PCDHA1: variants seen among roughly 807,000 people sequenced by gnomAD.
The protein encoded by PCDHA1 is protocadherin alpha 1.
A neutral mutation model predicts 61.3 loss-of-function variants in PCDHA1; 42 were observed. The observed-to-expected ratio is 0.69, with a 90% CI of 0.54 to 0.89. The LOEUF is 0.89. Among genes scored for constraint, PCDHA1 ranks in the 40% least tolerant of loss-of-function variants. The pLI is 0.00. For synonymous variants in PCDHA1, 610 were observed against 553.8 expected, an observed-to-expected ratio of 1.10 and a Z score of -1.43; for missense variants, 1,256 against 1,235.3, an observed-to-expected ratio of 1.02 and a Z score of -0.25.
At chr5:140,916,464 G>T (rs2077577403) in intron 1 of PCDHA1, among the ~76,000 whole-genome samples, 1 of 152,206 alleles carries the variant, frequency 6.6e-6, no homozygotes, top group Non-Finnish European at 1.5e-5. Context: ...ATCACTGCTG[G>T]TTATTTGGTG....
chr5:140,904,613 T>C (rs1554191625), intron 1 of PCDHA1, among the ~76,000 whole-genome samples: 2 of 152,112 alleles, frequency 1.3e-5, no homozygotes, highest in African/African-American at 2.4e-5. Context: ...ATAGTAGTTT[T>C]ACTTTTAGTT....
intron 1 of PCDHA1, chr5:140,842,219 G>C: frequency 1.9e-6 from 3 of 1,613,252 alleles, no homozygotes; most frequent in Non-Finnish European, 2.5e-6. Context: ...TCGAAATACG[G>C]GAGAAATAGT....
chr5:140,796,656 A>C (rs1238442026), intron 1 of PCDHA1: 1 of 1,613,710 alleles, frequency 6.2e-7, no homozygotes, highest in African/African-American at 1.3e-5. Context: ...ACGCGCCGGC[A>C]CTGTTGGCGC....
At chr5:140,861,503 C>A in intron 1 of PCDHA1, 1 of 478,536 alleles carries the variant, frequency 2.1e-6, no homozygotes, top group Non-Finnish European at 4.3e-6. Context: ...TGATAGACCT[C>A]GAGGAGCTGT....
intron 1 of PCDHA1, chr5:140,834,315 G>A: frequency 7.3e-7 from 1 of 1,374,090 alleles, no homozygotes. Flanking sequence ...TTGAAATGAA[G>A]GGATAAAAAC....
At chr5:140,904,957 A>G (rs2071509370) in intron 1 of PCDHA1, among the ~76,000 whole-genome samples, 1 of 152,156 alleles carries the variant, frequency 6.6e-6, no homozygotes, top group African/African-American at 2.4e-5. Flanking sequence ...TGTCTGATGC[A>G]GAATTTGTGA....
chr5:140,886,102 G>A (rs1040004596), intron 1 of PCDHA1, among the ~76,000 whole-genome samples: 17 of 152,136 alleles, frequency 1.1e-4, no homozygotes, highest in Admixed American at 1.3e-4. Flanking sequence ...CATTGATACA[G>A]TAAAGAAGTA....
chr5:140,944,191 G>C (rs181232402), intron 1 of PCDHA1, among the ~76,000 whole-genome samples: 1 of 151,980 alleles, frequency 6.6e-6, no homozygotes, highest in East Asian at 1.9e-4. Context: ...GGTTTGTTTT[G>C]TTTTGTTTTG....
chr5:140,867,027 C>G (rs1043288554), intron 1 of PCDHA1: 1 of 152,102 alleles, frequency 6.6e-6, no homozygotes, highest in Non-Finnish European at 1.5e-5. Flanking sequence ...ATATCAAACT[C>G]TTTTATGACT....
chr5:140,830,449 G>A (rs138463634), intron 1 of PCDHA1: 9 of 1,596,848 alleles, frequency 5.6e-6, no homozygotes, highest in East Asian at 4.5e-5. Context: ...TGGGTAAGGC[G>A]GAGAATCAGG....
intron 1 of PCDHA1, among the ~76,000 whole-genome samples, chr5:140,978,590 A>G (rs192815977): frequency 2.0e-4 from 31 of 152,334 alleles, no homozygotes; most frequent in African/African-American, 7.5e-4. Context: ...TGTTCCCTTA[A>G]TGGGGCACTT....
At position 140,787,136 on chromosome 5, in the gene PCDHA1, C is replaced by T; in HGVS notation, c.846C>T (p.Asp282=). The T allele has an allele frequency of 6.2e-7, 1 of 1,614,022 alleles. No individual in the cohort carries two copies. Among genetic ancestry groups the T allele is most frequent in the Non-Finnish European group, 8.5e-7 (1 of 1,179,978 alleles). The part of the protein sequence containing the change: ...GVNGEVVFSF[D]SGISRDIQEK... Reference sequence around the variant, plus strand: ...ATGGTGAAGTCGTCTTTTCCTTTGACAGTGGTATTTCTCGTGACATTCAAG... The same window carrying T: ...ATGGTGAAGTCGTCTTTTCCTTTGATAGTGGTATTTCTCGTGACATTCAAG... The change falls in exon 1 of 4, where the codon GAC becomes GAT. Residue 282 remains aspartate (D), a synonymous_variant. Transcript: ENST00000504120.
At chr5:140,821,012 A>G (rs2150059416) in intron 1 of PCDHA1, among the ~76,000 whole-genome samples, 1 of 152,226 alleles carries the variant, frequency 6.6e-6, no homozygotes, top group East Asian at 1.9e-4. Context: ...GTTTTCATCG[A>G]TTTGAAAATT....
rs960845779 is a variant in PCDHA1, at chr5:140,852,795, A to G, written c.2394+64111A>G. 2.0e-5 allele frequency: 20 copies of G among 977,252 alleles called. 2 individuals are homozygous for G. In the African/African-American group the frequency reaches 2.8e-4, roughly 14 times the overall value. 60.5% of individuals were successfully genotyped at this position (977,252 alleles called of 1,614,324 possible). A position where few individuals can be genotyped will look rare whatever the true frequency, so the allele number is the denominator to read the frequency against. ...TGATGTGAATAGAGGGATGCTACAG[A>G]TGTCATTTGTCTCCCGCCCTAAGTC... On this transcript the variant is annotated intron_variant, in intron 1 of 3. Coordinates refer to ENST00000504120, the MANE Select transcript of PCDHA1 (RefSeq NM_018900.4).
At chr5:140,870,849 G>A (rs2052464243) in intron 1 of PCDHA1, 2 of 1,613,878 alleles carry the variant, frequency 1.2e-6, no homozygotes, top group Non-Finnish European at 1.7e-6. Context: ...TAGTACCGCG[G>A]TCGGTGGGTG....
At chr5:140,871,192 G>GTGTACC (rs1171954428) in intron 1 of PCDHA1, 40 of 1,613,550 alleles carry the variant, frequency 2.5e-5, no homozygotes, top group Non-Finnish European at 3.1e-5. Context: ...GGATGTCAAC[G>GTGTACC]TGTACCTGAT....
chr5:140,787,868 G>C lies in PCDHA1; in HGVS notation c.1578G>C (p.Glu526Asp), dbSNP rs782636716. The stretch of plus-strand genomic sequence containing the variant: ...ACGCACTGCAGCCCCTGGACCACGA[G>C]GAGCTGGAGCTGCTGCAGTTCCAGG... ...KVYALQPLDH[E>D]ELELLQFQVS... is the part of the protein sequence containing the mutation. Residue 526 changes from glutamate to aspartate, a missense_variant, in exon 1 of 4, where the codon GAG (glutamate) becomes GAC (aspartate). Coordinates refer to ENST00000504120, the MANE Select transcript of PCDHA1 (RefSeq NM_018900.4). 37 of 1,613,082 alleles carry C rather than the reference G, an allele frequency of 2.3e-5. No individual in the cohort carries two copies. The highest frequency in any genetic ancestry group is 3.0e-5 in the Non-Finnish European group (35 of 1,179,872).
At chr5:140,907,746 T>G (rs1240884837) in intron 1 of PCDHA1, among the ~76,000 whole-genome samples, 3 of 152,302 alleles carry the variant, frequency 2.0e-5, no homozygotes, top group African/African-American at 7.2e-5. Context: ...ATGGCCACTT[T>G]GTTCATGGGC....
At chr5:140,888,309 C>T (rs1175163005) in intron 1 of PCDHA1, among the ~76,000 whole-genome samples, 1 of 152,138 alleles carries the variant, frequency 6.6e-6, no homozygotes, top group Admixed American at 6.5e-5. Context: ...GATAATTTGG[C>T]AATGCCTGGA....
Sources: allele counts gnomAD v4.1 joint callset (sites outside exome capture counted in the v4.1 genomes callset), GRCh38; gene constraint gnomAD v4.1.1; transcripts MANE v1.5; gene names NCBI Gene and HGNC (gene_info 2026-07-23, HGNC 2026-07-21).